The following ITPR2 variants were observed in gnomAD, a reference collection of about 807,000 sequenced individuals.
ITPR2 encodes the protein inositol 1,4,5-trisphosphate receptor type 2, also known as inositol 1,4,5-trisphosphate-gated calcium channel ITPR2.
ITPR2 carries 207 observed loss-of-function variants against 317.1 expected under a neutral mutation model. That is an observed-to-expected ratio of 0.65 (90% CI 0.58 to 0.73). The LOEUF (loss-of-function observed/expected upper bound fraction) is 0.73. Among genes scored for constraint, ITPR2 ranks in the 30% least tolerant of loss-of-function variants. ITPR2 has a pLI of 0.00. For missense variants in ITPR2, 2,613 were observed against 3,284.0 expected, an observed-to-expected ratio of 0.80 and a Z score of 4.99; for synonymous variants, 1,156 against 1,149.1, an observed-to-expected ratio of 1.01 and a Z score of -0.12.
chr12:26,722,424 G>T lies in ITPR2; in HGVS notation c.498C>A (p.Phe166Leu). 1 of 1,611,700 alleles carries T rather than the reference G, an allele frequency of 6.2e-7. No homozygotes were observed. Among genetic ancestry groups the T allele is most frequent in the Non-Finnish European group, 8.5e-7 (1 of 1,178,674 alleles). The change falls in exon 5 of 57, where the codon TTC becomes TTA. Residue 166 changes from phenylalanine to leucine, a missense_variant. By Grantham distance (22) the Phe-to-Leu change is conservative (BLOSUM62 0). Around this residue, in one of 9 missense-constraint regions of ITPR2, gnomAD observed 515 missense variants for 789.4 expected, o/e 0.65. Transcript: ENST00000381340. ...NEGSWFYIHP[F>L]WKLRSEGDNI... ...TGTCACCCTCGCTTCTCAGTTTCCA[G>T]AACGGATGAATATAAAACCAAGACC...
intron 40 of ITPR2, 51 bp downstream of exon 40, chr12:26,487,017 T>C: frequency 6.9e-7 from 1 of 1,450,974 alleles, no homozygotes. Flanking sequence ...TAAACGCTAT[T>C]CCCCTCTTTT....
chr12:26,642,308 G>T (rs1209766899), intron 21 of ITPR2, among the ~76,000 whole-genome samples: 1 of 152,182 alleles, frequency 6.6e-6, no homozygotes. Context: ...TTGGAAACTA[G>T]ATCTCCAATG....
intron 1 of ITPR2, among the ~76,000 whole-genome samples, chr12:26,808,079 A>G (rs1272429600): frequency 6.6e-6 from 1 of 152,190 alleles, no homozygotes; most frequent in African/African-American, 2.4e-5. Context: ...TCCTTCTAAA[A>G]TCAAGCATCA....
At chr12:26,482,618 A>G (rs1264655163) in intron 42 of ITPR2, among the ~76,000 whole-genome samples, 2 of 152,228 alleles carry the variant, frequency 1.3e-5, no homozygotes, top group Non-Finnish European at 2.9e-5. Flanking sequence ...ATAACCCAGA[A>G]AAATGCAGGG....
chr12:26,669,596 G>A (rs1279300278), intron 13 of ITPR2, among the ~76,000 whole-genome samples: 2 of 152,226 alleles, frequency 1.3e-5, no homozygotes, highest in Non-Finnish European at 2.9e-5. Flanking sequence ...AACAGCTCGG[G>A]TCTACAGCTC....
intron 2 of ITPR2, among the ~76,000 whole-genome samples, chr12:26,785,146 G>T (rs1950200729): frequency 2.4e-5 from 1 of 42,480 alleles, no homozygotes. Context: ...TCTCCGCCCG[G>T]CAGCCACCCC....
chr12:26,355,054 T>A (rs1938590420), intron 55 of ITPR2, among the ~76,000 whole-genome samples: 1 of 152,124 alleles, frequency 6.6e-6, no homozygotes, highest in African/African-American at 2.4e-5. Flanking sequence ...ATCTACAGAA[T>A]CAGAAACTCC....
intron 37 of ITPR2, among the ~76,000 whole-genome samples, chr12:26,522,060 G>A (rs578072667): frequency 3.3e-5 from 5 of 152,082 alleles, no homozygotes; most frequent in Non-Finnish European, 4.4e-5. Flanking sequence ...GTCTATTCTA[G>A]CAAGATATAT....
intron 37 of ITPR2, among the ~76,000 whole-genome samples, chr12:26,498,388 T>G (rs1942993674): frequency 6.6e-6 from 1 of 152,228 alleles, no homozygotes; most frequent in African/African-American, 2.4e-5. Flanking sequence ...TAAATTCACC[T>G]GGCCAAAGAA....
In ITPR2 at chr12:26,665,984, C is replaced by G; in HGVS notation, c.1477G>C (p.Val493Leu). ...VADVPNNGQEVLDVVITKPNR... is the reference protein window; with the variant it reads ...VADVPNNGQELLDVVITKPNR... ...GGCTTAGTGATAACCACATCCAGAA[C>G]TTCTTGTCCATTATTAGGCACATCA... Residue 493 changes from valine to leucine, a missense_variant, in exon 14 of 57, where the codon GTT (valine) becomes CTT (leucine). By Grantham distance (32) the Val-to-Leu change is conservative (BLOSUM62 1). Coordinates refer to ENST00000381340, the MANE Select transcript of ITPR2 (RefSeq NM_002223.4). 1 of 1,613,698 alleles carries G rather than the reference C, an allele frequency of 6.2e-7. No individual in the cohort carries two copies. Among genetic ancestry groups the G allele is most frequent in the Non-Finnish European group, 8.5e-7 (1 of 1,179,646 alleles).
intron 28 of ITPR2, among the ~76,000 whole-genome samples, chr12:26,601,231 G>A (rs1486936422): frequency 6.6e-6 from 1 of 151,946 alleles, no homozygotes; most frequent in Non-Finnish European, 1.5e-5. Context: ...TGTTTTCAGT[G>A]GTATTTTATA....
intron 1 of ITPR2, among the ~76,000 whole-genome samples, chr12:26,820,105 T>C (rs1950916956): frequency 6.6e-6 from 1 of 152,058 alleles, no homozygotes; most frequent in African/African-American, 2.4e-5. Context: ...ACATTACTTT[T>C]TCAGAGTGTA....
At chr12:26,661,278 G>T (rs1281588529) in intron 15 of ITPR2, among the ~76,000 whole-genome samples, 2 of 106,990 alleles carry the variant, frequency 1.9e-5, no homozygotes, top group Admixed American at 9.0e-5. Flanking sequence ...GTGTGTGTGG[G>T]GGGGGGGGGG....
chr12:26,402,933 A>G (rs1184253642), intron 52 of ITPR2, among the ~76,000 whole-genome samples: 2 of 152,180 alleles, frequency 1.3e-5, no homozygotes, highest in African/African-American at 4.8e-5. Context: ...TATATGAGAG[A>G]AGGATGGAAG....
At chr12:26,698,096 A>C (rs967039439) in intron 9 of ITPR2, among the ~76,000 whole-genome samples, 4 of 152,144 alleles carry the variant, frequency 2.6e-5, no homozygotes, top group Non-Finnish European at 2.9e-5. Flanking sequence ...TCTCAAATGG[A>C]AGAGAGAATA....
chr12:26,674,081 G>T (rs1055719531), intron 13 of ITPR2, among the ~76,000 whole-genome samples: 2 of 140,606 alleles, frequency 1.4e-5, no homozygotes, highest in African/African-American at 5.1e-5. Flanking sequence ...CCATGCTCAT[G>T]GGTAGGAAGA....
chr12:26,569,375 A>G (rs756865733), intron 34 of ITPR2, among the ~76,000 whole-genome samples: 1 of 151,902 alleles, frequency 6.6e-6, no homozygotes, highest in Non-Finnish European at 1.5e-5. Context: ...GTAACATGGT[A>G]AAAACTCTTT....
intron 55 of ITPR2, among the ~76,000 whole-genome samples, chr12:26,369,760 C>T (rs1185415706): frequency 1.3e-5 from 2 of 152,136 alleles, no homozygotes; most frequent in African/African-American, 2.4e-5. Context: ...GATGGGATGA[C>T]TCAGCAGGAG....
intron 50 of ITPR2, among the ~76,000 whole-genome samples, chr12:26,418,274 T>C (rs1377431981): frequency 6.6e-6 from 1 of 152,152 alleles, no homozygotes; most frequent in Non-Finnish European, 1.5e-5. Flanking sequence ...ATCATCTTAT[T>C]GGACAATGCT....
Sources: allele counts gnomAD v4.1 joint callset (sites outside exome capture counted in the v4.1 genomes callset), GRCh38; gene constraint gnomAD v4.1.1; regional missense constraint gnomAD v4.1.1; transcripts MANE v1.5; gene names NCBI Gene and HGNC (gene_info 2026-07-23, HGNC 2026-07-21).